Variants in INPP4B observed in about 807,000 individuals in gnomAD.
INPP4B encodes inositol polyphosphate 4-phosphatase type II.
In INPP4B, 55 loss-of-function variants were observed where a neutral mutation model predicts 122.5. That is an observed-to-expected ratio of 0.45 (90% CI 0.36 to 0.56). INPP4B has a LOEUF of 0.56. INPP4B is among the 20% of genes least tolerant of loss of function. INPP4B has a pLI of 0.00. For synonymous variants in INPP4B, 403 were observed against 388.7 expected (o/e 1.04, Z -0.43); for missense variants, 1,000 against 1,097.7 (o/e 0.91, Z 1.26).
At chr4:142,056,133 G>C (rs978384609) in intron 25 of INPP4B, among the ~76,000 whole-genome samples, 5 of 152,026 alleles carry the variant, frequency 3.3e-5, no homozygotes, top group Non-Finnish European at 7.4e-5. Context: ...AGCTCAGATT[G>C]TGGCTGTAAA....
chr4:142,457,012 A>G (rs1161563589), intron 3 of INPP4B, among the ~76,000 whole-genome samples: 2 of 152,048 alleles, frequency 1.3e-5, no homozygotes, highest in Admixed American at 1.3e-4. Context: ...ATAATCAATT[A>G]TTTTTTTACA....
At chr4:142,794,208 T>C (rs975090521) in intron 1 of INPP4B, among the ~76,000 whole-genome samples, 2 of 152,068 alleles carry the variant, frequency 1.3e-5, no homozygotes, top group African/African-American at 4.8e-5. Flanking sequence ...TAGGAGGACC[T>C]GTCTTGCCAG....
intron 7 of INPP4B, among the ~76,000 whole-genome samples, chr4:142,399,228 C>A (rs1023481543): frequency 2.7e-5 from 3 of 111,952 alleles, no homozygotes; most frequent in African/African-American, 9.9e-5. Flanking sequence ...GTCGGAGTCT[C>A]GCTCTGTCAC....
rs1361479629 is a variant in INPP4B at position 142,312,221 on chromosome 4, G to A, written c.423+2491C>T. Among the ~76,000 whole-genome samples the A allele has an allele frequency of 3.3e-5, 5 of 152,144 alleles. No homozygotes were observed. The East Asian group carries it at 5.8e-4, about 18-fold the overall frequency. On this transcript the variant is annotated intron_variant, in intron 8 of 25. Coordinates refer to ENST00000262992, the MANE Select transcript of INPP4B (RefSeq NM_001101669.3). ...TTGAGGCAAGCAATCTCATTAACAC[G>A]CCTTGATGAGGAGCCAGTATAGAGA... is the stretch of plus-strand genomic sequence containing the variant.
intron 5 of INPP4B, among the ~76,000 whole-genome samples, chr4:142,422,513 G>A (rs1352761146): frequency 6.6e-6 from 1 of 151,938 alleles, no homozygotes; most frequent in African/African-American, 2.4e-5. Flanking sequence ...TACACTATAA[G>A]AAGCAAGAAG....
intron 2 of INPP4B, among the ~76,000 whole-genome samples, chr4:142,575,226 GAAAAAAGAAA>G (rs1245522685): frequency 1.4e-5 from 2 of 147,548 alleles, no homozygotes; most frequent in African/African-American, 5.0e-5. Flanking sequence ...CAAACAAAAG[GAAAAAAGAAA>G]AAAAAAGGGG....
intron 2 of INPP4B, among the ~76,000 whole-genome samples, chr4:142,561,056 A>C (rs1250836108): frequency 6.6e-6 from 1 of 152,210 alleles, no homozygotes; most frequent in Non-Finnish European, 1.5e-5. Flanking sequence ...TGAATTCCCC[A>C]AAAAAGTATT....
intron 2 of INPP4B, among the ~76,000 whole-genome samples, chr4:142,478,220 A>C (rs879537220): frequency 6.6e-6 from 1 of 152,200 alleles, no homozygotes; most frequent in Non-Finnish European, 1.5e-5. Flanking sequence ...TAAAGCCTGC[A>C]AACAGCTAGT....
intron 11 of INPP4B, among the ~76,000 whole-genome samples, chr4:142,246,258 T>G (rs1334685114): frequency 6.6e-6 from 1 of 152,050 alleles, no homozygotes; most frequent in Non-Finnish European, 1.5e-5. Context: ...TGCTTAGGAT[T>G]GCCTTTGCTA....
At chr4:142,704,653 A>G (rs555598733) in intron 2 of INPP4B, among the ~76,000 whole-genome samples, 2 of 152,302 alleles carry the variant, frequency 1.3e-5, no homozygotes, top group South Asian at 2.1e-4. Flanking sequence ...AAAGATCGCT[A>G]TCATTTGCAT....
intron 16 of INPP4B, among the ~76,000 whole-genome samples, chr4:142,166,354 T>C (rs1370043918): frequency 6.6e-6 from 1 of 151,834 alleles, no homozygotes. Context: ...AAATTGAAAC[T>C]GGACACCTTC....
At chr4:142,415,233 T>G (rs999608435) in intron 5 of INPP4B, among the ~76,000 whole-genome samples, 1 of 152,086 alleles carries the variant, frequency 6.6e-6, no homozygotes, top group African/African-American at 2.4e-5. Context: ...GACCTACCTC[T>G]GAACCAAAAG....
Position 142,149,107 on chromosome 4 carries a change from C to A in INPP4B, c.1564-3111G>T, listed in dbSNP as rs573069195. 1.9e-4 allele frequency among the ~76,000 whole-genome samples: 29 copies of A among 152,300 alleles called. 1 individual carries two copies. The South Asian group carries it at 5.8e-3, about 30-fold the overall frequency. On this transcript the variant is annotated intron_variant, in intron 17 of 25. Coordinates refer to ENST00000262992, the MANE Select transcript of INPP4B (RefSeq NM_001101669.3). The stretch of plus-strand genomic sequence containing the variant: ...TATGGCCTTTACTAAGAAGTTATTA[C>A]TACTTAGTAGCAGTTACTAAAGGTA...
At chr4:142,835,916 G>C (rs1010420609) in intron 1 of INPP4B, among the ~76,000 whole-genome samples, 1 of 152,120 alleles carries the variant, frequency 6.6e-6, no homozygotes, top group Non-Finnish European at 1.5e-5. Flanking sequence ...TAGGCCAAAC[G>C]TGAACATGAA....
chr4:142,803,983 C>T (rs890255414), intron 1 of INPP4B, among the ~76,000 whole-genome samples: 10 of 151,634 alleles, frequency 6.6e-5, no homozygotes, highest in Non-Finnish European at 1.2e-4. Flanking sequence ...CGCTTGAACC[C>T]GGGAGGTGGA....
intron 3 of INPP4B, among the ~76,000 whole-genome samples, chr4:142,458,964 C>T (rs534678506): frequency 7.2e-5 from 11 of 152,244 alleles, no homozygotes; most frequent in African/African-American, 2.2e-4. Flanking sequence ...GCCTGGCTCC[C>T]GACTTTCAGG....
At chr4:142,116,017 C>G (rs953611704) in intron 21 of INPP4B, among the ~76,000 whole-genome samples, 5 of 152,090 alleles carry the variant, frequency 3.3e-5, no homozygotes, top group African/African-American at 1.2e-4. Context: ...CAATCCTAGT[C>G]TCTGATAAAA....
Position 142,443,030 on chromosome 4 carries a change from T to G in INPP4B, c.-126-11645A>C, listed in dbSNP as rs185125338. Among the ~76,000 whole-genome samples, 68 of 152,280 alleles carry G rather than the reference T, an allele frequency of 4.5e-4. 1 individual carries two copies. The highest frequency in any genetic ancestry group is 4.3e-3 in the Admixed American group (66 of 15,292). ...AACAGTATGGGGGAAACTGACCCCA[T>G]GATTCAATTATCTCCACCTGGCTCT... is the stretch of plus-strand genomic sequence containing the variant. On this transcript the variant is annotated intron_variant, in intron 3 of 25. Coordinates refer to ENST00000262992, the MANE Select transcript of INPP4B (RefSeq NM_001101669.3).
rs1315452571 is a variant in INPP4B at position 142,348,614 on chromosome 4, GAAC to G, written c.373-33855_373-33853del. Among the ~76,000 whole-genome samples the G allele has an allele frequency of 2.0e-5, 3 of 152,082 alleles. No individual in the cohort carries two copies. In the East Asian group the frequency reaches 5.8e-4, roughly 30 times the overall value. On this transcript the variant is annotated intron_variant, in intron 7 of 25. Transcript: ENST00000262992. ...AAATCCAGCCTATAAGGAAATAAAA[GAAC>G]TTCTTTCTCAATAAGAGCTTGGTGA... is the stretch of plus-strand genomic sequence containing the variant.
Sources: gnomAD v4.1 joint callset for allele counts (sites outside exome capture counted in the v4.1 genomes callset) on GRCh38, gnomAD v4.1.1 for gene constraint, MANE v1.5 for transcripts, NCBI Gene and HGNC (gene_info 2026-07-23, HGNC 2026-07-21) for gene names.